The following KCNIP4 variants were observed in gnomAD, a reference collection of about 807,000 sequenced individuals.
KCNIP4 encodes Kv channel-interacting protein 4.
In KCNIP4, 12 loss-of-function variants were observed where a neutral mutation model predicts 34.0. The ratio of observed to expected loss-of-function variants is 0.35; its 90% CI spans 0.23 to 0.57. The LOEUF is 0.57. Ranked by LOEUF, KCNIP4 falls within the 20% of genes least tolerant of loss-of-function variation. The pLI is 0.83. For missense variants in KCNIP4, 238 were observed against 311.7 expected (o/e 0.76, Z 1.78); for synonymous variants, 124 against 102.2 (o/e 1.21, Z -1.29).
chr4:21,178,533 C>T (rs1281359660), intron 1 of KCNIP4, among the ~76,000 whole-genome samples: 1 of 151,558 alleles, frequency 6.6e-6, no homozygotes, highest in African/African-American at 2.4e-5. Context: ...ATTTAAGTCC[C>T]ATGGGTTTAA....
At chr4:21,879,573 T>C (rs1211502353) in intron 1 of KCNIP4, among the ~76,000 whole-genome samples, 1 of 152,224 alleles carries the variant, frequency 6.6e-6, no homozygotes, top group East Asian at 1.9e-4. Context: ...TATAAAGTCA[T>C]GTCTTGCATA....
intron 1 of KCNIP4, among the ~76,000 whole-genome samples, chr4:21,784,773 ATTT>A (rs1348741321): frequency 2.0e-5 from 3 of 152,122 alleles, no homozygotes; most frequent in Admixed American, 1.3e-4. Context: ...TTCACACAGC[ATTT>A]TTATTTATCT....
intron 1 of KCNIP4, among the ~76,000 whole-genome samples, chr4:21,683,984 G>A (rs987138578): frequency 1.3e-5 from 2 of 152,012 alleles, no homozygotes; most frequent in African/African-American, 2.4e-5. Flanking sequence ...TGAGGGAGGA[G>A]GGTGGGAGGA....
intron 3 of KCNIP4, among the ~76,000 whole-genome samples, chr4:20,764,034 C>T (rs1481254834): frequency 6.6e-6 from 1 of 152,098 alleles, no homozygotes; most frequent in East Asian, 1.9e-4. Context: ...AGTAGGGTTC[C>T]TGGGTTTAGG....
intron 1 of KCNIP4, among the ~76,000 whole-genome samples, chr4:21,107,589 G>C (rs1032778121): frequency 1.0e-4 from 15 of 148,310 alleles, no homozygotes; most frequent in Non-Finnish European, 1.6e-4. Context: ...GGAGCATTTA[G>C]TCCATTTACA....
chr4:21,248,486 T>G (rs1271387865), intron 1 of KCNIP4, among the ~76,000 whole-genome samples: 2 of 152,194 alleles, frequency 1.3e-5, no homozygotes, highest in African/African-American at 4.8e-5. Context: ...GCTGACTGAC[T>G]AGACTTCCCA....
chr4:21,778,046 TAG>T (rs967074054), intron 1 of KCNIP4, among the ~76,000 whole-genome samples: 12 of 152,074 alleles, frequency 7.9e-5, no homozygotes, highest in Admixed American at 7.2e-4. Context: ...AGAACCAATA[TAG>T]GACAACTTAT....
At chr4:20,971,902 C>T (rs563831074) in intron 1 of KCNIP4, among the ~76,000 whole-genome samples, 16 of 152,182 alleles carry the variant, frequency 1.1e-4, no homozygotes, top group Non-Finnish European at 1.9e-4. Flanking sequence ...GCTGCTTTCT[C>T]AAATAAGTTT....
At chr4:21,836,891 G>C (rs1190257405) in intron 1 of KCNIP4, among the ~76,000 whole-genome samples, 1 of 150,512 alleles carries the variant, frequency 6.6e-6, no homozygotes, top group Non-Finnish European at 1.5e-5. Context: ...TGAAGTTGTG[G>C]AAGCTCAAAA....
intron 1 of KCNIP4, among the ~76,000 whole-genome samples, chr4:21,675,747 A>C (rs558836382): frequency 2.8e-4 from 42 of 152,316 alleles, no homozygotes; most frequent in Admixed American, 7.2e-4. Flanking sequence ...ATACGGACAT[A>C]TGTGTAGTAA....
At chr4:21,400,527 T>TC (rs1190155056) in intron 1 of KCNIP4, among the ~76,000 whole-genome samples, 1,445 of 36,136 alleles carry the variant, frequency 0.04, 73 homozygotes, top group East Asian at 0.18. Context: ...TCTCTTCTCT[T>TC]CTCTTCTCTT....
chr4:21,034,112 T>C (rs907458609), intron 1 of KCNIP4, among the ~76,000 whole-genome samples: 1 of 152,170 alleles, frequency 6.6e-6, no homozygotes, highest in African/African-American at 2.4e-5. Context: ...GAAAAATCTG[T>C]TTTAAGTATA....
chr4:21,867,347 G>A (rs1428365285), intron 1 of KCNIP4, among the ~76,000 whole-genome samples: 4 of 152,144 alleles, frequency 2.6e-5, no homozygotes, highest in African/African-American at 9.7e-5. Context: ...ACCAGAGGGG[G>A]TGGGGTGCTG....
intron 1 of KCNIP4, among the ~76,000 whole-genome samples, chr4:21,303,208 C>T (rs371495604): frequency 6.6e-6 from 1 of 152,118 alleles, no homozygotes; most frequent in African/African-American, 2.4e-5. Flanking sequence ...ACTTGAAAAA[C>T]AATTGGCTAC....
At chr4:21,398,483 G>A (rs35703454) in intron 1 of KCNIP4, among the ~76,000 whole-genome samples, 26,947 of 152,018 alleles carry the variant, frequency 0.18, 4,466 homozygotes, top group African/African-American at 0.42. Flanking sequence ...GTTCAGTTTC[G>A]TTTTGCTCTC....
chr4:21,118,107 T>C (rs1348697456), intron 1 of KCNIP4, among the ~76,000 whole-genome samples: 1 of 152,136 alleles, frequency 6.6e-6, no homozygotes, highest in African/African-American at 2.4e-5. Context: ...TGTGTGTCTA[T>C]GCGTGATTCA....
intron 1 of KCNIP4, among the ~76,000 whole-genome samples, chr4:20,917,803 C>G (rs911093400): frequency 6.6e-6 from 1 of 152,080 alleles, no homozygotes; most frequent in Non-Finnish European, 1.5e-5. Flanking sequence ...AAGTGTGATT[C>G]TTCTGTGAAA....
chr4:20,889,033 C>T (rs1481815973), intron 1 of KCNIP4, among the ~76,000 whole-genome samples: 1 of 151,946 alleles, frequency 6.6e-6, no homozygotes, highest in African/African-American at 2.4e-5. Flanking sequence ...TTTTAGTGGG[C>T]CCATGTTTAG....
chr4:21,093,793 A>G (rs1452634710), intron 1 of KCNIP4, among the ~76,000 whole-genome samples: 1 of 152,154 alleles, frequency 6.6e-6, no homozygotes, highest in Non-Finnish European at 1.5e-5. Flanking sequence ...ATTAAAAGAA[A>G]AAAAGCTGGC....
Sources: gnomAD v4.1 joint callset for allele counts (sites outside exome capture counted in the v4.1 genomes callset) on GRCh38, gnomAD v4.1.1 for gene constraint, MANE v1.5 for transcripts, NCBI Gene and HGNC (gene_info 2026-07-23, HGNC 2026-07-21) for gene names.